SRRM4: variants seen among roughly 807,000 people sequenced by gnomAD.
The protein encoded by SRRM4 is serine/arginine repetitive matrix 4.
A neutral mutation model predicts 68.9 loss-of-function variants in SRRM4; 33 were observed. The ratio of observed to expected loss-of-function variants is 0.48; its 90% CI spans 0.36 to 0.64. The LOEUF is 0.64. SRRM4 is among the 30% of genes least tolerant of loss of function. The probability of loss-of-function intolerance (pLI) is 0.00; values close to 1 mark genes in which losing one functional copy is unlikely to be tolerated. For synonymous variants in SRRM4, 318 were observed against 318.8 expected, an observed-to-expected ratio of 1.00 and a Z score of 0.03; for missense variants, 817 against 827.1, an observed-to-expected ratio of 0.99 and a Z score of 0.15.
intron 1 of SRRM4, among the ~76,000 whole-genome samples, chr12:119,066,690 GCCC>G (rs1953848170): frequency 6.6e-6 from 1 of 152,214 alleles, no homozygotes; most frequent in Non-Finnish European, 1.5e-5. Context: ...ATCGTCTACA[GCCC>G]TTCACCTGAT....
At chr12:119,131,344 G>T (rs1954296309) in intron 8 of SRRM4, among the ~76,000 whole-genome samples, 3 of 152,200 alleles carry the variant, frequency 2.0e-5, no homozygotes, top group Admixed American at 2.0e-4. Flanking sequence ...GGAGGTCATA[G>T]CTCTTGACCT....
intron 1 of SRRM4, among the ~76,000 whole-genome samples, chr12:119,093,796 G>A (rs1954028162): frequency 6.6e-6 from 1 of 152,158 alleles, no homozygotes; most frequent in Non-Finnish European, 1.5e-5. Context: ...TTCCCTAGTT[G>A]GAGGCAGCCT....
chr12:119,147,191 A>C (rs1954408584), intron 9 of SRRM4, among the ~76,000 whole-genome samples: 1 of 152,244 alleles, frequency 6.6e-6, no homozygotes, highest in South Asian at 2.1e-4. Flanking sequence ...GCATATTACT[A>C]AGTGAAAGAA....
chr12:119,083,089 C>CT (rs976369579), intron 1 of SRRM4, among the ~76,000 whole-genome samples: 20 of 152,006 alleles, frequency 1.3e-4, no homozygotes, highest in Admixed American at 1.3e-3. Context: ...GGCAGTTGAT[C>CT]TTTTTTCTGG....
chr12:119,119,967 T>C (rs1228662090), intron 4 of SRRM4, among the ~76,000 whole-genome samples: 1 of 152,028 alleles, frequency 6.6e-6, no homozygotes, highest in African/African-American at 2.4e-5. Flanking sequence ...ACAATTTTCA[T>C]AGTCTCTGAA....
chr12:119,143,312 C>T (rs1954378356), intron 8 of SRRM4, among the ~76,000 whole-genome samples: 1 of 152,176 alleles, frequency 6.6e-6, no homozygotes, highest in African/African-American at 2.4e-5. Flanking sequence ...GGCCAAGATG[C>T]ACAAGATAAA....
In SRRM4 at chr12:119,158,031, C is replaced by T. The variant is rs1051736141; in HGVS notation, c.*1233C>T. 3.3e-5 allele frequency: 5 copies of T among 152,918 alleles called. No homozygotes were observed. Among genetic ancestry groups the T allele is most frequent in the African/African-American group, 1.2e-4 (5 of 41,446 alleles). 9.5% of individuals were successfully genotyped at this position (152,918 alleles called of 1,614,324 possible). ...TCTTGTCAGCTTGGGAAAGACCCAC[C>T]TTTATTTTTGCCCTCACCCCAAGTC... On this transcript the variant is annotated 3_prime_UTR_variant, in exon 13 of 13. Coordinates refer to ENST00000267260, the MANE Select transcript of SRRM4 (RefSeq NM_194286.4).
chr12:119,032,734 T>C (rs1293149959), intron 1 of SRRM4, among the ~76,000 whole-genome samples: 1 of 152,204 alleles, frequency 6.6e-6, no homozygotes, highest in Non-Finnish European at 1.5e-5. Context: ...TTCTTGGAGG[T>C]TGGAAAGATC....
intron 1 of SRRM4, among the ~76,000 whole-genome samples, chr12:119,010,193 C>A (rs1953440314): frequency 6.6e-6 from 1 of 152,210 alleles, no homozygotes; most frequent in Admixed American, 6.5e-5. Flanking sequence ...GCCGGGACTA[C>A]AAGCACCCAC....
chr12:119,033,066 A>G (rs1311818811), intron 1 of SRRM4, among the ~76,000 whole-genome samples: 4 of 152,114 alleles, frequency 2.6e-5, no homozygotes. Context: ...TCCAGTTTTT[A>G]TATGTATATA....
chr12:119,040,182 CTTTTA>C lies in SRRM4; in HGVS notation c.131+58194_131+58198del, dbSNP rs57507061. Reference sequence around the variant, plus strand: ...GAACAATAATAATAATAGCAGCTACCTTTTATTTTATTTTATTTTATTTTATTTTT... The same window carrying C: ...GAACAATAATAATAATAGCAGCTACCTTTTATTTTATTTTATTTTATTTTT... On this transcript the variant is annotated intron_variant, in intron 1 of 12. Coordinates refer to ENST00000267260, the MANE Select transcript of SRRM4 (RefSeq NM_194286.4). Among the ~76,000 whole-genome samples the C allele has an allele frequency of 3.9e-3, 588 of 151,466 alleles. 4 individuals carry two copies. Among genetic ancestry groups the C allele is most frequent in the African/African-American group, 0.012 (493 of 41,126 alleles).
At chr12:119,148,577 C>CA (rs1565919594) in intron 9 of SRRM4, among the ~76,000 whole-genome samples, 1 of 152,236 alleles carries the variant, frequency 6.6e-6, no homozygotes, top group East Asian at 1.9e-4. Flanking sequence ...CCGAGCTCCT[C>CA]AAAACCTTTA....
chr12:119,154,003 C>T lies in SRRM4; in HGVS notation c.1392-240C>T, dbSNP rs1234624475. Among the ~76,000 whole-genome samples the T allele has an allele frequency of 2.6e-5, 4 of 151,804 alleles. No individual in the cohort carries two copies. The highest frequency in any genetic ancestry group is 1.3e-4 in the Admixed American group (2 of 15,230). On this transcript the variant is annotated intron_variant, in intron 11 of 12. Coordinates refer to ENST00000267260, the MANE Select transcript of SRRM4 (RefSeq NM_194286.4). This position sits in a 1 kb window ranked among gnomAD's most constrained non-coding sequence, Gnocchi z 4.7. ...CTGCAGCACCTGCCCTGCTATGATG[C>T]CCACCTGCAAATGCTGACACCCCTG...
chr12:119,026,349 A>G (rs1953548277), intron 1 of SRRM4, among the ~76,000 whole-genome samples: 1 of 151,868 alleles, frequency 6.6e-6, no homozygotes, highest in African/African-American at 2.4e-5. Flanking sequence ...TTGAAGTTAT[A>G]TTAAGGAGGC....
At chr12:118,999,330 G>A (rs1439295392) in intron 1 of SRRM4, among the ~76,000 whole-genome samples, 5 of 152,136 alleles carry the variant, frequency 3.3e-5, no homozygotes, top group East Asian at 1.9e-4. Context: ...ACTCAGAGTC[G>A]GGACAACGCC....
intron 1 of SRRM4, among the ~76,000 whole-genome samples, chr12:119,033,609 A>G (rs1475860564): frequency 6.6e-6 from 1 of 151,778 alleles, no homozygotes; most frequent in Non-Finnish European, 1.5e-5. Context: ...GGTCGCCGTG[A>G]GCAGAGAATA....
rs151126172 is a variant in SRRM4 at position 119,089,971 on chromosome 12, A to G, written c.132-12265A>G. 5.1e-4 allele frequency among the ~76,000 whole-genome samples: 77 copies of G among 152,310 alleles called. 1 individual carries two copies. The highest frequency in any genetic ancestry group is 7.6e-4 in the Non-Finnish European group (52 of 68,020). ...GGGAAAACTAAGTCTTGATAATATT[A>G]AAGAACTTCCTGTGGGTCACACAGC... On this transcript the variant is annotated intron_variant, in intron 1 of 12. Coordinates refer to ENST00000267260, the MANE Select transcript of SRRM4 (RefSeq NM_194286.4).
intron 6 of SRRM4, among the ~76,000 whole-genome samples, chr12:119,122,823 G>A (rs947986173): frequency 8.5e-5 from 13 of 152,194 alleles, no homozygotes; most frequent in Admixed American, 3.3e-4. Flanking sequence ...ATGGGTGCAC[G>A]TGTGTGAGCA....
At chr12:119,018,364 T>C (rs995967950) in intron 1 of SRRM4, among the ~76,000 whole-genome samples, 2 of 152,218 alleles carry the variant, frequency 1.3e-5, no homozygotes, top group Non-Finnish European at 2.9e-5. Context: ...GGAATTAGTA[T>C]GAAACATGCT....
Sources: gnomAD v4.1 joint callset for allele counts (sites outside exome capture counted in the v4.1 genomes callset) on GRCh38, gnomAD v4.1.1 for gene constraint, Gnocchi (gnomAD v3.1) non-coding constraint, MANE v1.5 for transcripts, NCBI Gene and HGNC (gene_info 2026-07-23, HGNC 2026-07-21) for gene names.